GDPD4: variants seen among roughly 807,000 people sequenced by gnomAD.
The protein encoded by GDPD4 is glycerophosphodiester phosphodiesterase domain containing 4, also known as glycerophosphodiester phosphodiesterase 6.
Under a neutral mutation model 67.8 loss-of-function variants are expected in GDPD4, and 60 were observed. The observed-to-expected ratio is 0.88, with a 90% CI of 0.72 to 1.10. GDPD4 has a LOEUF of 1.10. Among genes scored for constraint, GDPD4 ranks in the 50% least tolerant of loss-of-function variants. The pLI is 0.00. For synonymous variants in GDPD4, 212 were observed against 210.9 expected (o/e 1.00, Z -0.04); for missense variants, 623 against 613.9 (o/e 1.01, Z -0.16).
At chr11:77,221,941 G>T (rs1337295089) in intron 16 of GDPD4, among the ~76,000 whole-genome samples, 3 of 152,124 alleles carry the variant, frequency 2.0e-5, no homozygotes, top group Non-Finnish European at 4.4e-5. Context: ...ATATATTTAG[G>T]ATAGTTAGCT....
At chr11:77,273,804 G>A (rs144274296) in intron 5 of GDPD4, among the ~76,000 whole-genome samples, 248 of 152,336 alleles carry the variant, frequency 1.6e-3, no homozygotes, top group African/African-American at 5.5e-3. Context: ...AAGAAAAGGT[G>A]CTGGAACGGT....
At chr11:77,228,885 C>T (rs1382563651) in intron 15 of GDPD4, among the ~76,000 whole-genome samples, 3 of 152,174 alleles carry the variant, frequency 2.0e-5, no homozygotes, top group African/African-American at 7.2e-5. Context: ...CAAGCCCTGT[C>T]ATCTTTCAAC....
In GDPD4 at chr11:77,271,116, C is replaced by G; in HGVS notation, c.400+14G>C. 1 of 1,563,634 alleles carries G rather than the reference C, an allele frequency of 6.4e-7. No homozygotes were observed. Among genetic ancestry groups the G allele is most frequent in the East Asian group, 2.2e-5 (1 of 44,652 alleles). On this transcript the variant is annotated intron_variant, in intron 7 of 16. Transcript: ENST00000315938. ...GCTGAAGAAATAGGCAGGGTTCTGC[C>G]CTATGTGACATACCTTCTCTTTCCA...
At chr11:77,285,276 G>C in intron 2 of GDPD4, 89 bp from the exon 3 acceptor site, 1 of 664,098 alleles carries the variant, frequency 1.5e-6, no homozygotes, top group Non-Finnish European at 2.6e-6. Context: ...GGTCAGCATA[G>C]TTGCACTGCC....
chr11:77,217,620 AAAAATGAGGGCTTCCCTCAATT>A (rs530124217), intron 16 of GDPD4, among the ~76,000 whole-genome samples: 203 of 152,338 alleles, frequency 1.3e-3, no homozygotes, highest in African/African-American at 2.9e-3. Context: ...ATTAGTTTAG[AAAAATGAGGGCTTCCCTCAATT>A]AAAATGAGGG....
At chr11:77,249,665 G>A (rs572896385) in intron 11 of GDPD4, among the ~76,000 whole-genome samples, 18 of 152,284 alleles carry the variant, frequency 1.2e-4, no homozygotes, top group Admixed American at 9.1e-4. Context: ...CCAGTGCTCG[G>A]GTAGGAAAAC....
In GDPD4 at chr11:77,216,844, AAC is replaced by A. The variant is rs1958129847; in HGVS notation, c.*431_*432del. ...GAGATGTGGCTAATTCTTCTTTGGA[AAC>A]ACAGAAGGCTATGTCAGATGCAATG... On this transcript the variant is annotated 3_prime_UTR_variant, in exon 17 of 17. Transcript: ENST00000315938. 1.6e-6 allele frequency: 1 copy of A among 629,446 alleles called. No individual in the cohort carries two copies. Among genetic ancestry groups the A allele is most frequent in the Non-Finnish European group, 2.8e-6 (1 of 352,660 alleles). 39.0% of individuals were successfully genotyped at this position (629,446 alleles called of 1,614,324 possible). A position where few individuals can be genotyped will look rare whatever the true frequency, so the allele number is the denominator to read the frequency against.
intron 11 of GDPD4, among the ~76,000 whole-genome samples, chr11:77,257,552 TA>T (rs1959025365): frequency 7.4e-6 from 1 of 134,264 alleles, no homozygotes; most frequent in Non-Finnish European, 1.6e-5. Context: ...CTCCCTCTCC[TA>T]CACACACACA....
chr11:77,298,843 T>C (rs991208096), intron 1 of GDPD4, among the ~76,000 whole-genome samples: 19 of 152,154 alleles, frequency 1.2e-4, no homozygotes, highest in Non-Finnish European at 2.6e-4. Context: ...TTTTTTCTTT[T>C]TTGACTTATA....
At chr11:77,237,202 C>A (rs1429906446) in intron 13 of GDPD4, among the ~76,000 whole-genome samples, 2 of 152,148 alleles carry the variant, frequency 1.3e-5, no homozygotes, top group Non-Finnish European at 2.9e-5. Flanking sequence ...ATCTATTACT[C>A]TGGGCCACAG....
chr11:77,286,282 T>G (rs1453871803), intron 2 of GDPD4, among the ~76,000 whole-genome samples: 1 of 152,196 alleles, frequency 6.6e-6, no homozygotes, highest in Non-Finnish European at 1.5e-5. Flanking sequence ...TATGTGCCTG[T>G]GTACATGCGC....
intron 8 of GDPD4, 28 bp from the exon 9 acceptor site, chr11:77,269,097 G>T (rs780044077): frequency 6.1e-5 from 98 of 1,603,904 alleles, no homozygotes; most frequent in Non-Finnish European, 7.6e-5. Flanking sequence ...AAGGGGAAGT[G>T]GGGGAAAAAG....
Position 77,267,914 on chromosome 11 carries a change from T to G in GDPD4, c.707+543A>C, listed in dbSNP as rs550004687. Among the ~76,000 whole-genome samples the G allele has an allele frequency of 8.5e-5, 13 of 152,160 alleles. No individual in the cohort carries two copies. In the East Asian group the frequency reaches 2.3e-3, roughly 27 times the overall value. On this transcript the variant is annotated intron_variant, in intron 10 of 16. Coordinates refer to ENST00000315938, the MANE Select transcript of GDPD4 (RefSeq NM_182833.3). ...ACAACTTTGAGCACACAAATTTTTT[T>G]TCTTTTTTTTCCCACACAACAGGAA...
chr11:77,269,036 A>T lies in GDPD4; in HGVS notation c.512T>A (p.Leu171His), dbSNP rs1959192836. Residue 171 changes from leucine to histidine, a missense_variant, in exon 9 of 17, where the codon CTT becomes CAT. Transcript: ENST00000315938. The stretch of plus-strand genomic sequence containing the variant: ...CATCAAATAGAGACCTAAAAGGATA[A>T]GAAGAAAGGGTAATCCAACAGGCAC... Reference protein sequence around the residue: ...LQVPVGLPFLLILLGLYLMPL... With the variant: ...LQVPVGLPFLHILLGLYLMPL... 1 of 1,613,900 alleles carries T rather than the reference A, an allele frequency of 6.2e-7. No individual in the cohort carries two copies. The highest frequency in any genetic ancestry group is 8.5e-7 in the Non-Finnish European group (1 of 1,179,906).
intron 5 of GDPD4, among the ~76,000 whole-genome samples, chr11:77,274,970 G>C (rs1249692814): frequency 6.6e-6 from 1 of 152,140 alleles, no homozygotes; most frequent in African/African-American, 2.4e-5. Flanking sequence ...TCTAATGTTT[G>C]ACAGTACAGT....
chr11:77,247,854 C>T (rs1169942767), intron 11 of GDPD4, among the ~76,000 whole-genome samples: 1 of 151,930 alleles, frequency 6.6e-6, no homozygotes, highest in Non-Finnish European at 1.5e-5. Flanking sequence ...GAGTTCGAGA[C>T]CAGCCTGACC....
intron 15 of GDPD4, among the ~76,000 whole-genome samples, chr11:77,228,269 C>T (rs1043049295): frequency 1.3e-4 from 19 of 151,820 alleles, no homozygotes; most frequent in Non-Finnish European, 1.3e-4. Flanking sequence ...GAGGCCGAGG[C>T]GGGCAGATCA....
At chr11:77,275,300 T>C (rs1959407631) in intron 5 of GDPD4, among the ~76,000 whole-genome samples, 1 of 152,222 alleles carries the variant, frequency 6.6e-6, no homozygotes, top group African/African-American at 2.4e-5. Flanking sequence ...AAGGATGCTA[T>C]ATTGGAAATA....
intron 12 of GDPD4, 113 bp from the exon 13 acceptor site, chr11:77,243,961 T>TAG (rs901377041): frequency 1.2e-5 from 8 of 683,440 alleles, no homozygotes; most frequent in South Asian, 3.7e-5. Flanking sequence ...CTACAGAGAG[T>TAG]AGAGAGAGAG....
Sources: allele counts gnomAD v4.1 joint callset (sites outside exome capture counted in the v4.1 genomes callset), GRCh38; gene constraint gnomAD v4.1.1; transcripts MANE v1.5; gene names NCBI Gene and HGNC (gene_info 2026-07-23, HGNC 2026-07-21).